Variants in MYO10 observed in about 807,000 individuals in gnomAD.
MYO10 encodes unconventional myosin-X.
Under a neutral mutation model 257.3 loss-of-function variants are expected in MYO10, and 133 were observed. That is an observed-to-expected ratio of 0.52 (90% CI 0.45 to 0.60). The LOEUF (loss-of-function observed/expected upper bound fraction) is 0.60, where lower values mean the gene tolerates loss of function less well. MYO10 is among the 20% of genes least tolerant of loss of function. MYO10 has a pLI of 0.00. For synonymous variants in MYO10, 1,104 were observed against 1,028.6 expected (o/e 1.07, Z -1.40); for missense variants, 2,399 against 2,635.7 (o/e 0.91, Z 1.97).
intron 19 of MYO10, among the ~76,000 whole-genome samples, chr5:16,742,749 T>A (rs952741481): frequency 2.4e-4 from 36 of 150,510 alleles, no homozygotes; most frequent in Non-Finnish European, 5.0e-4. Flanking sequence ...AAGCGGACAT[T>A]GCAGTGGCTG....
intron 1 of MYO10, among the ~76,000 whole-genome samples, chr5:16,886,201 C>T (rs1744892973): frequency 6.6e-6 from 1 of 152,124 alleles, no homozygotes; most frequent in Non-Finnish European, 1.5e-5. Context: ...GATGGCAAGT[C>T]AAAGCTCCAC....
At chr5:16,797,583 T>C (rs936658351) in intron 3 of MYO10, among the ~76,000 whole-genome samples, 3 of 152,156 alleles carry the variant, frequency 2.0e-5, no homozygotes, top group African/African-American at 7.2e-5. Context: ...CAAGGGCCCA[T>C]CATCAGATGA....
In MYO10 at chr5:16,858,265, T is replaced by G. The variant is rs150048549; in HGVS notation, c.120+19344A>C. Reference sequence around the variant, plus strand: ...AGACATTTAGAAATGTAAGAAACAATCTCAGCTTGTAGACCATACAATTCA... The same window carrying G: ...AGACATTTAGAAATGTAAGAAACAAGCTCAGCTTGTAGACCATACAATTCA... On this transcript the variant is annotated intron_variant, in intron 2 of 40. Transcript: ENST00000513610. Among the ~76,000 whole-genome samples the G allele has an allele frequency of 6.4e-4, 97 of 152,266 alleles. 1 individual carries two copies. Among genetic ancestry groups the G allele is most frequent in the Admixed American group, 1.4e-3 (21 of 15,294 alleles).
At chr5:16,748,188 G>C (rs1740265946) in intron 19 of MYO10, among the ~76,000 whole-genome samples, 1 of 151,968 alleles carries the variant, frequency 6.6e-6, no homozygotes, top group South Asian at 2.1e-4. Context: ...TCCCACCTCA[G>C]CCTCTCAGGT....
intron 27 of MYO10, among the ~76,000 whole-genome samples, chr5:16,691,389 G>T (rs954955861): frequency 1.3e-5 from 2 of 150,890 alleles, no homozygotes; most frequent in African/African-American, 2.4e-5. Context: ...TCACTGAGAT[G>T]AAATATTTAA....
intron 19 of MYO10, among the ~76,000 whole-genome samples, chr5:16,719,989 C>CGTGCGTGCGTGTGT (rs1554039262): frequency 3.5e-5 from 5 of 143,442 alleles, no homozygotes; most frequent in African/African-American, 1.3e-4. Context: ...TGTGTGCGTG[C>CGTGCGTGCGTGTGT]GTGTGTGTGT....
chr5:16,757,288 T>TCACA (rs1216224852), intron 18 of MYO10, among the ~76,000 whole-genome samples: 3 of 118,896 alleles, frequency 2.5e-5, no homozygotes, highest in African/African-American at 1.1e-4. Flanking sequence ...AGACCCTGTC[T>TCACA]CACACACACA....
At chr5:16,922,746 C>T (rs1746024169) in intron 1 of MYO10, among the ~76,000 whole-genome samples, 1 of 152,312 alleles carries the variant, frequency 6.6e-6, no homozygotes, top group Admixed American at 6.5e-5. Flanking sequence ...CAAACTTGTG[C>T]TCAGCCATGT....
chr5:16,819,352 C>T (rs576942302), intron 2 of MYO10, among the ~76,000 whole-genome samples: 13 of 152,240 alleles, frequency 8.5e-5, no homozygotes, highest in Admixed American at 5.2e-4. Context: ...CAGTGCTCTT[C>T]GTCCTAAGTG....
Position 16,728,913 on chromosome 5 carries a change from A to AT in MYO10, c.1930-17669dup, listed in dbSNP as rs540915822. On this transcript the variant is annotated intron_variant, in intron 19 of 40. Coordinates refer to ENST00000513610, the MANE Select transcript of MYO10 (RefSeq NM_012334.3). The stretch of plus-strand genomic sequence containing the variant: ...GATGTGGCTGCATCGTTTTTACTGT[A>AT]TTTTTTTACTGTATTTTTCTTTTCT... 1.2e-4 allele frequency among the ~76,000 whole-genome samples: 18 copies of AT among 151,186 alleles called. No individual in the cohort carries two copies. In the East Asian group the frequency reaches 1.4e-3, roughly 11 times the overall value.
chr5:16,822,628 A>G (rs928592481), intron 2 of MYO10, among the ~76,000 whole-genome samples: 1 of 151,638 alleles, frequency 6.6e-6, no homozygotes, highest in Non-Finnish European at 1.5e-5. Flanking sequence ...TTAATACATT[A>G]TTGGGTGAGT....
chr5:16,678,446 G>C (rs1736837029), intron 33 of MYO10, among the ~76,000 whole-genome samples: 1 of 152,168 alleles, frequency 6.6e-6, no homozygotes, highest in Non-Finnish European at 1.5e-5. Flanking sequence ...TGGGCGTGGT[G>C]GTGGGTGCTT....
rs529312577 is a variant in MYO10, at chr5:16,767,635, TAAA to T, written c.1060+1436_1060+1438del. ...TTTATTATTGTTCTTTTTAAATTAATAAAGAATATTTTTTAAACATCTCATTTT... is the reference window on the plus strand; with the variant it reads ...TTTATTATTGTTCTTTTTAAATTAATGAATATTTTTTAAACATCTCATTTT... On this transcript the variant is annotated intron_variant, in intron 10 of 40. Transcript: ENST00000513610. Among the ~76,000 whole-genome samples the T allele has an allele frequency of 2.6e-3, 389 of 152,274 alleles. 5 individuals are homozygous for T. The highest frequency in any genetic ancestry group is 3.8e-4 in the Non-Finnish European group (26 of 68,010).
chr5:16,676,408 T>C (rs1736725223), intron 33 of MYO10, among the ~76,000 whole-genome samples: 1 of 152,104 alleles, frequency 6.6e-6, no homozygotes, highest in African/African-American at 2.4e-5. Context: ...CCCCTGGAGA[T>C]TACATACATT....
intron 10 of MYO10, among the ~76,000 whole-genome samples, chr5:16,766,515 T>C (rs1259077807): frequency 1.3e-5 from 2 of 151,958 alleles, no homozygotes; most frequent in Admixed American, 6.6e-5. Flanking sequence ...CTGCAAGTTC[T>C]GCCTCCCGGG....
chr5:16,926,021 C>G (rs1259096487), intron 1 of MYO10, among the ~76,000 whole-genome samples: 1 of 151,974 alleles, frequency 6.6e-6, no homozygotes. Flanking sequence ...TTTCAAAATA[C>G]CTAAAAGAGG....
intron 2 of MYO10, among the ~76,000 whole-genome samples, chr5:16,868,264 A>C (rs1744342438): frequency 6.6e-6 from 1 of 152,158 alleles, no homozygotes; most frequent in South Asian, 2.1e-4. Flanking sequence ...CTTCCTTCTT[A>C]CCCTTTTACA....
At chr5:16,763,205 C>G (rs1740772464) in intron 14 of MYO10, among the ~76,000 whole-genome samples, 1 of 152,088 alleles carries the variant, frequency 6.6e-6, no homozygotes, top group Non-Finnish European at 1.5e-5. Context: ...TATATTGGTA[C>G]TGGCAAGGCT....
At position 16,797,858 on chromosome 5, in the gene MYO10, T is replaced by C. The variant is rs1742014149; in HGVS notation, c.280-3025A>G. Among the ~76,000 whole-genome samples the C allele has an allele frequency of 2.0e-5, 3 of 152,310 alleles. No homozygotes were observed. In the South Asian group the frequency reaches 6.2e-4, roughly 32 times the overall value. ...AATATTGTAGAACTAAGATACAGGT[T>C]GTATGGTTTGAATGTTTGTCCCCTC... On this transcript the variant is annotated intron_variant, in intron 3 of 40. Coordinates refer to ENST00000513610, the MANE Select transcript of MYO10 (RefSeq NM_012334.3).
Sources: allele counts gnomAD v4.1 joint callset (sites outside exome capture counted in the v4.1 genomes callset), GRCh38; gene constraint gnomAD v4.1.1; transcripts MANE v1.5; gene names NCBI Gene and HGNC (gene_info 2026-07-23, HGNC 2026-07-21).